ARHGAP15: variants seen among roughly 807,000 people sequenced by gnomAD.
ARHGAP15 encodes rho GTPase-activating protein 15.
ARHGAP15 carries 51 observed loss-of-function variants against 63.7 expected under a neutral mutation model. The observed-to-expected ratio is 0.80, with a 90% CI of 0.64 to 1.01. The LOEUF is 1.01. ARHGAP15 is among the 50% of genes least tolerant of loss of function. The pLI, the probability that ARHGAP15 is intolerant of heterozygous loss-of-function variation, is 0.00. For synonymous variants in ARHGAP15, 191 were observed against 193.8 expected (o/e 0.99, Z 0.12); for missense variants, 560 against 564.6 (o/e 0.99, Z 0.08).
intron 6 of ARHGAP15, among the ~76,000 whole-genome samples, chr2:143,359,248 T>G (rs1351309991): frequency 1.3e-5 from 2 of 152,290 alleles, no homozygotes; most frequent in African/African-American, 4.8e-5. Context: ...CATACTTTCA[T>G]TGAAGTTCAT....
At chr2:143,318,660 A>G (rs779357251) in intron 6 of ARHGAP15, among the ~76,000 whole-genome samples, 2 of 151,720 alleles carry the variant, frequency 1.3e-5, no homozygotes. Context: ...TCTGAGCAAC[A>G]GTTTTCTTAA....
At chr2:143,400,441 T>A (rs950419172) in intron 6 of ARHGAP15, among the ~76,000 whole-genome samples, 1 of 152,012 alleles carries the variant, frequency 6.6e-6, no homozygotes, top group Non-Finnish European at 1.5e-5. Context: ...CTGTATCTTT[T>A]CACCAGAGTT....
At chr2:143,529,097 T>G (rs1694411819) in intron 10 of ARHGAP15, among the ~76,000 whole-genome samples, 1 of 152,108 alleles carries the variant, frequency 6.6e-6, no homozygotes, top group Non-Finnish European at 1.5e-5. Context: ...CTTCTTGAAT[T>G]TCCCTCTGTC....
At chr2:143,441,548 C>A (rs2105106619) in intron 8 of ARHGAP15, among the ~76,000 whole-genome samples, 1 of 152,286 alleles carries the variant, frequency 6.6e-6, no homozygotes, top group South Asian at 2.1e-4. Context: ...TAAAGGTATA[C>A]AACTAAAATT....
intron 12 of ARHGAP15, among the ~76,000 whole-genome samples, chr2:143,678,676 A>G (rs1682944945): frequency 1.3e-5 from 2 of 152,188 alleles, no homozygotes; most frequent in South Asian, 4.1e-4. Context: ...AACTCTAAAA[A>G]TGTCATGATT....
At chr2:143,712,338 C>A (rs1409079203) in intron 13 of ARHGAP15, among the ~76,000 whole-genome samples, 1 of 152,142 alleles carries the variant, frequency 6.6e-6, no homozygotes, top group Non-Finnish European at 1.5e-5. Flanking sequence ...ATGAAAAAAG[C>A]AGAAATTTTG....
chr2:143,151,511 A>G (rs1289097555), intron 1 of ARHGAP15, among the ~76,000 whole-genome samples: 5 of 151,986 alleles, frequency 3.3e-5, no homozygotes, highest in Non-Finnish European at 7.4e-5. Flanking sequence ...GAGTTAAGGG[A>G]AAGTCTGACT....
intron 9 of ARHGAP15, among the ~76,000 whole-genome samples, chr2:143,511,341 G>T (rs1436144315): frequency 6.6e-6 from 1 of 151,486 alleles, no homozygotes; most frequent in Non-Finnish European, 1.5e-5. Context: ...TGCCACCCCT[G>T]ATCATTAAGT....
intron 1 of ARHGAP15, among the ~76,000 whole-genome samples, chr2:143,130,051 T>G (rs1307041924): frequency 6.6e-6 from 1 of 152,080 alleles, no homozygotes; most frequent in Non-Finnish European, 1.5e-5. Context: ...ATTTAAGATA[T>G]AGGGTGAAAT....
At chr2:143,568,175 C>A (rs1429434683) in intron 11 of ARHGAP15, among the ~76,000 whole-genome samples, 1 of 152,132 alleles carries the variant, frequency 6.6e-6, no homozygotes, top group East Asian at 1.9e-4. Context: ...CAAATGGGAT[C>A]TAATTAAACT....
intron 13 of ARHGAP15, among the ~76,000 whole-genome samples, chr2:143,708,417 A>G (rs1379855132): frequency 6.6e-6 from 1 of 152,194 alleles, no homozygotes; most frequent in East Asian, 1.9e-4. Flanking sequence ...TGATTTCCAG[A>G]AAAGTCTTTA....
intron 2 of ARHGAP15, among the ~76,000 whole-genome samples, chr2:143,191,483 G>C (rs1274811801): frequency 2.6e-5 from 4 of 152,170 alleles, no homozygotes; most frequent in Admixed American, 2.0e-4. Flanking sequence ...TTCCAATATA[G>C]TGTTATACAC....
At chr2:143,450,164 T>C (rs1388306591) in intron 8 of ARHGAP15, among the ~76,000 whole-genome samples, 1 of 151,360 alleles carries the variant, frequency 6.6e-6, no homozygotes, top group African/African-American at 2.4e-5. Flanking sequence ...TTTTTTTTTT[T>C]TTTTTAAATC....
chr2:143,215,989 C>T (rs1264700449), intron 3 of ARHGAP15, among the ~76,000 whole-genome samples: 2 of 152,130 alleles, frequency 1.3e-5, no homozygotes, highest in Non-Finnish European at 2.9e-5. Context: ...TCCTTTATCC[C>T]GGCTTCGGAA....
At chr2:143,138,422 T>C (rs558525191) in intron 1 of ARHGAP15, among the ~76,000 whole-genome samples, 1 of 152,226 alleles carries the variant, frequency 6.6e-6, no homozygotes, top group South Asian at 2.1e-4. Context: ...AGTTAAGCAA[T>C]GCTGAACTTT....
intron 8 of ARHGAP15, among the ~76,000 whole-genome samples, chr2:143,482,563 T>C (rs1020666492): frequency 6.6e-6 from 1 of 152,240 alleles, no homozygotes; most frequent in African/African-American, 2.4e-5. Flanking sequence ...ATCACAGGCA[T>C]GTGTTTAAAT....
chr2:143,461,023 C>T (rs541338549), intron 8 of ARHGAP15, among the ~76,000 whole-genome samples: 2 of 152,192 alleles, frequency 1.3e-5, no homozygotes, highest in Non-Finnish European at 2.9e-5. Flanking sequence ...GGCATGGTGG[C>T]GCACGCCTGT....
chr2:143,636,927 C>T lies in ARHGAP15; in HGVS notation c.1138+12660C>T, dbSNP rs2105264441. Among the ~76,000 whole-genome samples the T allele has an allele frequency of 1.3e-5, 2 of 152,196 alleles. 1 individual carries two copies. ...GATGAGGGCACCAGCATGGTCAGTT[C>T]CTGGTGAGGGCCCTTACCCTGGCTT... On this transcript the variant is annotated intron_variant, in intron 12 of 13. Transcript: ENST00000295095.
chr2:143,599,631 A>G (rs549129784), intron 11 of ARHGAP15, among the ~76,000 whole-genome samples: 11 of 152,308 alleles, frequency 7.2e-5, no homozygotes, highest in South Asian at 4.1e-4. Flanking sequence ...CGAAGCCATA[A>G]CTACCAAAAC....
Sources: gnomAD v4.1 joint callset for allele counts (sites outside exome capture counted in the v4.1 genomes callset) on GRCh38, gnomAD v4.1.1 for gene constraint, MANE v1.5 for transcripts, NCBI Gene and HGNC (gene_info 2026-07-23, HGNC 2026-07-21) for gene names.